SLC25A13: variants seen among roughly 807,000 people sequenced by gnomAD.
SLC25A13 encodes the protein solute carrier family 25 member 13.
Under a neutral mutation model 85.5 loss-of-function variants are expected in SLC25A13, and 70 were observed. The observed-to-expected ratio is 0.82, with a 90% CI of 0.68 to 1.00. The LOEUF is 1.00. SLC25A13 is among the 50% of genes least tolerant of loss of function. SLC25A13 has a pLI of 0.00. For missense variants in SLC25A13, 765 were observed against 819.8 expected, an observed-to-expected ratio of 0.93 and a Z score of 0.82; for synonymous variants, 259 against 288.7, an observed-to-expected ratio of 0.90 and a Z score of 1.04.
At chr7:96,241,683 C>T (rs1797003840) in intron 3 of SLC25A13, among the ~76,000 whole-genome samples, 2 of 151,640 alleles carry the variant, frequency 1.3e-5, no homozygotes, top group Non-Finnish European at 2.9e-5. Context: ...TTTTCTAATC[C>T]TTTCAATAAT....
chr7:96,279,826 A>G (rs1309855844), intron 2 of SLC25A13, among the ~76,000 whole-genome samples: 1 of 152,162 alleles, frequency 6.6e-6, no homozygotes, highest in African/African-American at 2.4e-5. Flanking sequence ...GAATCCCCCA[A>G]CTTTAATTTT....
chr7:96,177,143 G>A (rs912729525), intron 11 of SLC25A13, among the ~76,000 whole-genome samples: 3 of 152,066 alleles, frequency 2.0e-5, no homozygotes, highest in Admixed American at 2.0e-4. Flanking sequence ...TTGTTTGCAA[G>A]AGGCAATTCA....
At chr7:96,195,159 G>A (rs1795012144) in intron 5 of SLC25A13, among the ~76,000 whole-genome samples, 1 of 152,228 alleles carries the variant, frequency 6.6e-6, no homozygotes, top group Admixed American at 6.5e-5. Flanking sequence ...CGTGGGTATC[G>A]TGTAAAGGCC....
intron 3 of SLC25A13, among the ~76,000 whole-genome samples, chr7:96,237,261 T>C (rs139808741): frequency 2.6e-5 from 4 of 152,336 alleles, no homozygotes; most frequent in Admixed American, 6.5e-5. Flanking sequence ...CTTTCCATTT[T>C]GTGCAGGCAA....
At chr7:96,283,057 G>T (rs999910995) in intron 2 of SLC25A13, among the ~76,000 whole-genome samples, 7 of 152,122 alleles carry the variant, frequency 4.6e-5, no homozygotes, top group African/African-American at 1.7e-4. Flanking sequence ...AGTCTACCAA[G>T]GGGAATCACA....
chr7:96,154,576 C>T (rs902215510), intron 13 of SLC25A13, among the ~76,000 whole-genome samples: 8 of 151,998 alleles, frequency 5.3e-5, no homozygotes, highest in Non-Finnish European at 8.8e-5. Context: ...GGATTACAGG[C>T]GTGAGCCACT....
intron 12 of SLC25A13, 92 bp downstream of exon 12, chr7:96,171,380 A>C (rs1055349889): frequency 5.6e-5 from 68 of 1,216,634 alleles, no homozygotes; most frequent in Non-Finnish European, 4.6e-5. Context: ...ACCTCTGAGA[A>C]AACAAACCTG....
At chr7:96,237,066 C>T (rs1169665089) in intron 3 of SLC25A13, among the ~76,000 whole-genome samples, 1 of 152,172 alleles carries the variant, frequency 6.6e-6, no homozygotes, top group African/African-American at 2.4e-5. Flanking sequence ...TTTCCAAACC[C>T]CCTTTCCTTT....
chr7:96,234,744 A>G (rs75007841), intron 4 of SLC25A13, 58 bp downstream of exon 4: 1 of 1,326,880 alleles, frequency 7.5e-7, no homozygotes, highest in Non-Finnish European at 1.1e-6. Flanking sequence ...AAAAAAAAAA[A>G]GAAAATGCTC....
chr7:96,307,678 G>C (rs929369344), intron 1 of SLC25A13, among the ~76,000 whole-genome samples: 3 of 152,048 alleles, frequency 2.0e-5, no homozygotes, highest in Admixed American at 1.3e-4. Context: ...AGGGAGATGA[G>C]GGTTAATTAT....
intron 14 of SLC25A13, among the ~76,000 whole-genome samples, chr7:96,140,646 G>T (rs1489041373): frequency 6.6e-6 from 1 of 151,786 alleles, no homozygotes; most frequent in African/African-American, 2.4e-5. Context: ...CTCGTGATCT[G>T]CCCGCATCGG....
chr7:96,193,239 C>T (rs1794930662), intron 5 of SLC25A13, 56 bp from the exon 6 acceptor site: 1 of 1,582,618 alleles, frequency 6.3e-7, no homozygotes, highest in South Asian at 1.1e-5. Context: ...ATAATTACTA[C>T]AAATGACAGT....
At chr7:96,285,865 G>C (rs1798865807) in intron 2 of SLC25A13, among the ~76,000 whole-genome samples, 1 of 152,114 alleles carries the variant, frequency 6.6e-6, no homozygotes, top group African/African-American at 2.4e-5. Context: ...AACACCAAAA[G>C]TACTAGGCAA....
intron 15 of SLC25A13, among the ~76,000 whole-genome samples, chr7:96,124,741 G>A (rs1425932439): frequency 6.6e-6 from 1 of 152,130 alleles, no homozygotes; most frequent in South Asian, 2.1e-4. Flanking sequence ...CATTTACAGT[G>A]CTTGTGACTA....
At position 96,243,025 on chromosome 7, in the gene SLC25A13, C is replaced by T. The variant is rs572932771; in HGVS notation, c.213-8108G>A. Among the ~76,000 whole-genome samples the T allele has an allele frequency of 7.2e-5, 11 of 152,174 alleles. No individual in the cohort carries two copies. The East Asian group carries it at 1.6e-3, about 21-fold the overall frequency. ...TGTTGCCCAGGCTGGAGTGCAATGG[C>T]GTGATCTCGGCTCACTGCAACCTCT... On this transcript the variant is annotated intron_variant, in intron 3 of 17. Coordinates refer to ENST00000265631, the MANE Select transcript of SLC25A13 (RefSeq NM_014251.3).
chr7:96,310,268 G>A (rs2117023940), intron 1 of SLC25A13, among the ~76,000 whole-genome samples: 1 of 152,114 alleles, frequency 6.6e-6, no homozygotes, highest in South Asian at 2.1e-4. Flanking sequence ...GGTCTCTTTG[G>A]GAGTTTCCTT....
chr7:96,289,418 C>G (rs1799024319), intron 2 of SLC25A13, among the ~76,000 whole-genome samples: 1 of 152,180 alleles, frequency 6.6e-6, no homozygotes, highest in Non-Finnish European at 1.5e-5. Context: ...CAATGACTTT[C>G]ACGAGTTGAG....
intron 7 of SLC25A13, 31 bp downstream of exon 7, chr7:96,191,078 C>A (rs765341979): frequency 6.2e-7 from 1 of 1,613,296 alleles, no homozygotes; most frequent in South Asian, 1.1e-5. Flanking sequence ...ACAATACTTG[C>A]AGGCTAGAAT....
chr7:96,247,372 C>T (rs1454752073), intron 3 of SLC25A13, among the ~76,000 whole-genome samples: 3 of 151,980 alleles, frequency 2.0e-5, no homozygotes, highest in South Asian at 4.2e-4. Flanking sequence ...AAAAAAGTGC[C>T]CATGTGTTGA....
Sources: allele counts gnomAD v4.1 joint callset (sites outside exome capture counted in the v4.1 genomes callset), GRCh38; gene constraint gnomAD v4.1.1; transcripts MANE v1.5; gene names NCBI Gene and HGNC (gene_info 2026-07-23, HGNC 2026-07-21).